Variants in DNMT3A observed in about 807,000 individuals in gnomAD.
DNMT3A encodes the protein DNA (cytosine-5)-methyltransferase 3A.
Under a neutral mutation model 117.6 loss-of-function variants are expected in DNMT3A, and 267 were observed. The ratio of observed to expected loss-of-function variants is 2.27; its 90% CI spans 2.05 to 2.51. The LOEUF (loss-of-function observed/expected upper bound fraction) is 2.51. Ranked by LOEUF, DNMT3A falls within the 30% of genes most tolerant of loss-of-function variation. DNMT3A has a pLI of 0.00. For missense variants in DNMT3A, 1,029 were observed against 1,260.2 expected, an observed-to-expected ratio of 0.82 and a Z score of 2.78; for synonymous variants, 432 against 474.8, an observed-to-expected ratio of 0.91 and a Z score of 1.17.
intron 2 of DNMT3A, among the ~76,000 whole-genome samples, chr2:25,310,844 C>A (rs2034075267): frequency 6.6e-6 from 1 of 152,166 alleles, no homozygotes; most frequent in Non-Finnish European, 1.5e-5. Context: ...GGGTCCCATC[C>A]CCCGAGTTCT....
intron 6 of DNMT3A, among the ~76,000 whole-genome samples, chr2:25,263,563 G>A (rs978312828): frequency 5.9e-5 from 9 of 152,210 alleles, no homozygotes; most frequent in African/African-American, 2.2e-4. Context: ...CGAGTGTACT[G>A]GCCTCTTAAT....
At chr2:25,287,739 C>CT (rs1434100022) in intron 3 of DNMT3A, among the ~76,000 whole-genome samples, 43 of 151,720 alleles carry the variant, frequency 2.8e-4, no homozygotes, top group Admixed American at 2.8e-3. Flanking sequence ...ACCCCCGCCC[C>CT]CAACAGAGAT....
At chr2:25,283,056 G>A (rs2032007964) in intron 3 of DNMT3A, among the ~76,000 whole-genome samples, 1 of 152,082 alleles carries the variant, frequency 6.6e-6, no homozygotes, top group Non-Finnish European at 1.5e-5. Context: ...CTTCTCTGCA[G>A]CCCCTGTTAA....
Position 25,293,544 on chromosome 2 carries a change from A to G in DNMT3A, c.177+6595T>C, listed in dbSNP as rs1038765875. On this transcript the variant is annotated intron_variant, in intron 3 of 22. Coordinates refer to ENST00000321117, the MANE Select transcript of DNMT3A (RefSeq NM_022552.5). The surrounding 1 kb of genome is among the most constrained non-coding windows in gnomAD (Gnocchi z 4.7). Reference sequence around the variant, plus strand: ...TTGCTCTGTCACCCAGCTGGAGTGCAGTGACACAATTATGGCTCACTGCAG... The same window carrying G: ...TTGCTCTGTCACCCAGCTGGAGTGCGGTGACACAATTATGGCTCACTGCAG... Among the ~76,000 whole-genome samples, 3 of 152,152 alleles carry G rather than the reference A, an allele frequency of 2.0e-5. No homozygotes were observed.
chr2:25,239,099 C>T (rs1442879509), intron 20 of DNMT3A, 31 bp downstream of exon 20: 1 of 1,606,352 alleles, frequency 6.2e-7, no homozygotes, highest in Non-Finnish European at 8.5e-7. Flanking sequence ...TCCCAGCCCA[C>T]AGCCCCCCAG....
In DNMT3A at chr2:25,282,267, A is replaced by T; in HGVS notation, c.448+174T>A. 1 of 1,398,368 alleles carries T rather than the reference A, an allele frequency of 7.2e-7. No homozygotes were observed. Among genetic ancestry groups the T allele is most frequent in the Non-Finnish European group, 9.3e-7 (1 of 1,077,188 alleles). The allele number at this position is 1,398,368 out of a possible 1,614,324, so 86.6% of individuals were successfully genotyped here. A position where few individuals can be genotyped will look rare whatever the true frequency, so the allele number is the denominator to read the frequency against. On this transcript the variant is annotated intron_variant, in intron 4 of 22. Coordinates refer to ENST00000321117, the MANE Select transcript of DNMT3A (RefSeq NM_022552.5). The surrounding 1 kb of genome is among the most constrained non-coding windows in gnomAD (Gnocchi z 5.2). ...TTTAAAACACTCTATGGGCCAAATAAAACATATGCGCAGGCTGCATCCAGC... is the reference window on the plus strand; with the variant it reads ...TTTAAAACACTCTATGGGCCAAATATAACATATGCGCAGGCTGCATCCAGC...
At chr2:25,283,324 T>C (rs2032034078) in intron 3 of DNMT3A, among the ~76,000 whole-genome samples, 1 of 144,488 alleles carries the variant, frequency 6.9e-6, no homozygotes, top group Non-Finnish European at 1.5e-5. Flanking sequence ...ATCACGCCAT[T>C]GCACTCCAGC....
Position 25,282,714 on chromosome 2 carries a change from G to A in DNMT3A, c.178-3C>T, listed in dbSNP as rs1429377702. On this transcript the variant is annotated splice_region_variant and splice_polypyrimidine_tract_variant and intron_variant, in intron 3 of 22. Coordinates refer to ENST00000321117, the MANE Select transcript of DNMT3A (RefSeq NM_022552.5). This position sits in a 1 kb window ranked among gnomAD's most constrained non-coding sequence, Gnocchi z 5.2. ...TTTGGCGTGTCACCGCTTTCCACCT[G>A]CAAATGTAAGAAAGATACACAAGAG... 6.6e-7 allele frequency: 1 copy of A among 1,520,308 alleles called. No individual in the cohort carries two copies. The highest frequency in any genetic ancestry group is 8.8e-7 in the Non-Finnish European group (1 of 1,133,330). The allele number at this position is 1,520,308 out of a possible 1,614,324, so 94.2% of individuals were successfully genotyped here.
rs1673366906 is a variant in DNMT3A, at chr2:25,236,327, A to C, written c.2479-502T>G. On this transcript the variant is annotated intron_variant, in intron 21 of 22. Transcript: ENST00000321117. The surrounding 1 kb of genome is among the most constrained non-coding windows in gnomAD (Gnocchi z 4.5). The stretch of plus-strand genomic sequence containing the variant: ...TGATCCGCCTGCCTCGGCCTCCCAA[A>C]GTATTGGGATTATAGGCGTGAGCCA... Among the ~76,000 whole-genome samples, 1 of 152,194 alleles carries C rather than the reference A, an allele frequency of 6.6e-6. No homozygotes were observed. The highest frequency in any genetic ancestry group is 1.5e-5 in the Non-Finnish European group (1 of 68,024).
intron 6 of DNMT3A, among the ~76,000 whole-genome samples, chr2:25,264,156 T>TTG (rs2029993374): frequency 6.9e-6 from 1 of 145,500 alleles, no homozygotes; most frequent in Non-Finnish European, 1.5e-5. Flanking sequence ...TTTTTTTTTT[T>TTG]TGAGACAAGG....
chr2:25,235,620 T>A, intron 22 of DNMT3A, 87 bp downstream of exon 22: 1 of 1,048,240 alleles, frequency 9.5e-7, no homozygotes, highest in Non-Finnish European at 1.5e-6. Flanking sequence ...GGAAAACAAG[T>A]CAGGTGGGAA....
At chr2:25,325,639 G>A (rs1009588416) in intron 1 of DNMT3A, among the ~76,000 whole-genome samples, 2 of 152,174 alleles carry the variant, frequency 1.3e-5, no homozygotes, top group African/African-American at 2.4e-5. Context: ...TTCCCTGGGA[G>A]AGAAGACACA....
intron 13 of DNMT3A, 88 bp downstream of exon 13, chr2:25,245,165 G>T: frequency 7.6e-7 from 1 of 1,309,168 alleles, no homozygotes; most frequent in Non-Finnish European, 1.1e-6. Flanking sequence ...GTGTCACCCT[G>T]TACATGCCCA....
At position 25,244,242 on chromosome 2, in the gene DNMT3A, G is replaced by A. The variant is rs2149289357; in HGVS notation, c.1764C>T (p.His588=). 6.2e-7 allele frequency: 1 copy of A among 1,614,026 alleles called. No homozygotes were observed. The highest frequency in any genetic ancestry group is 2.2e-5 in the East Asian group (1 of 44,884). ...GCCGCAGCAGCCCGTAGGTACCCTT[G>A]TGCCCGCACATGTAGCAGTTCCAGG... ...EDPWNCYMCG[H]KGTYGLLRRR... is the part of the protein sequence containing the mutation. Residue 588 remains histidine, a synonymous_variant, in exon 15 of 23, where the codon CAC becomes CAT. Coordinates refer to ENST00000321117, the MANE Select transcript of DNMT3A (RefSeq NM_022552.5).
intron 4 of DNMT3A, among the ~76,000 whole-genome samples, chr2:25,279,083 C>G (rs1217003413): frequency 6.6e-6 from 1 of 152,158 alleles, no homozygotes; most frequent in Non-Finnish European, 1.5e-5. Flanking sequence ...TAAGGGAAAG[C>G]CACATCGCCA....
At chr2:25,300,476 T>C (rs1326766765) in intron 2 of DNMT3A, among the ~76,000 whole-genome samples, 1 of 150,084 alleles carries the variant, frequency 6.7e-6, no homozygotes, top group African/African-American at 2.5e-5. Flanking sequence ...GCACCGTGGC[T>C]CATGCCTGTA....
chr2:25,317,225 C>CT (rs34464455), intron 1 of DNMT3A, among the ~76,000 whole-genome samples: 5,115 of 128,732 alleles, frequency 0.04, 124 homozygotes, highest in Middle Eastern at 0.11. Context: ...CCACACCTGG[C>CT]TTTTTTTTTT....
intron 1 of DNMT3A, among the ~76,000 whole-genome samples, chr2:25,326,379 A>G (rs1024897892): frequency 1.3e-5 from 2 of 152,158 alleles, no homozygotes; most frequent in Non-Finnish European, 2.9e-5. Flanking sequence ...CTATCTTGAT[A>G]GGTAGACATC....
At chr2:25,289,721 C>T (rs2032603525) in intron 3 of DNMT3A, among the ~76,000 whole-genome samples, 1 of 152,208 alleles carries the variant, frequency 6.6e-6, no homozygotes, top group South Asian at 2.1e-4. Flanking sequence ...AAAGGCCGGG[C>T]AGAGGCTGCT....
Sources: allele counts gnomAD v4.1 joint callset (sites outside exome capture counted in the v4.1 genomes callset), GRCh38; gene constraint gnomAD v4.1.1; non-coding constraint Gnocchi (gnomAD v3.1); transcripts MANE v1.5; gene names NCBI Gene and HGNC (gene_info 2026-07-23, HGNC 2026-07-21).